ZNF366: variants seen among roughly 807,000 people sequenced by gnomAD.
The protein encoded by ZNF366 is zinc finger protein 366, also known as dendritic cell-specific transcript protein.
A neutral mutation model predicts 47.2 loss-of-function variants in ZNF366; 20 were observed. That is an observed-to-expected ratio of 0.42 (90% confidence interval 0.30 to 0.62). The LOEUF is 0.62. Among genes scored for constraint, ZNF366 ranks in the 20% least tolerant of loss-of-function variants. The pLI, the probability that ZNF366 is intolerant of heterozygous loss-of-function variation, is 0.16. For synonymous variants in ZNF366, 421 were observed against 395.1 expected (o/e 1.07, Z -0.78); for missense variants, 987 against 976.3 (o/e 1.01, Z -0.15).
chr5:72,507,251 CA>C lies in ZNF366; in HGVS notation c.-16del, dbSNP rs1580259215. The C allele has an allele frequency of 3.9e-5, 38 of 985,352 alleles. No homozygotes were observed. The highest frequency in any genetic ancestry group is 4.6e-5 in the Non-Finnish European group (38 of 830,044). 61.0% of individuals were successfully genotyped at this position (985,352 alleles called of 1,614,324 possible). On this transcript the variant is annotated splice_region_variant and 5_prime_UTR_variant, in exon 1 of 5. Coordinates refer to ENST00000318442, the MANE Select transcript of ZNF366 (RefSeq NM_152625.3). Reference sequence around the variant, plus strand: ...AGAAATGATTGCATGGGTAACTTACCAGCTCCTGAGGTCTGAATGGCTGCAG... The same window carrying C: ...AGAAATGATTGCATGGGTAACTTACCGCTCCTGAGGTCTGAATGGCTGCAG...
chr5:72,471,631 A>G (rs1315672702), intron 1 of ZNF366, among the ~76,000 whole-genome samples: 3 of 152,154 alleles, frequency 2.0e-5, no homozygotes, highest in Non-Finnish European at 4.4e-5. Flanking sequence ...GCCTGGGTGG[A>G]AAGGAAACTT....
chr5:72,473,986 G>C (rs914661805), intron 1 of ZNF366, among the ~76,000 whole-genome samples: 1 of 152,186 alleles, frequency 6.6e-6, no homozygotes, highest in Non-Finnish European at 1.5e-5. Context: ...TGTGAATTTA[G>C]GTTGTATCTC....
At position 72,442,305 on chromosome 5, in the gene ZNF366, C is replaced by G. The variant is rs927334877; in HGVS notation, c.*1451G>C. The G allele has an allele frequency of 6.6e-6, 1 of 152,102 alleles. No homozygotes were observed. The highest frequency in any genetic ancestry group is 1.5e-5 in the Non-Finnish European group (1 of 68,022). The allele number at this position is 152,102 out of a possible 1,614,324, so 9.4% of individuals were successfully genotyped here. A position where few individuals can be genotyped will look rare whatever the true frequency, so the allele number is the denominator to read the frequency against. The stretch of plus-strand genomic sequence containing the variant: ...CAGAAATGGTGAGTTCTATTTTAGT[C>G]CCCTCAATCTTCTCAATCTTGGCTG... On this transcript the variant is annotated 3_prime_UTR_variant, in exon 5 of 5. Transcript: ENST00000318442.
intron 1 of ZNF366, among the ~76,000 whole-genome samples, chr5:72,499,100 G>A (rs561147705): frequency 6.6e-6 from 1 of 152,202 alleles, no homozygotes; most frequent in Non-Finnish European, 1.5e-5. Flanking sequence ...GTTTTGAGCA[G>A]AACTTTGTTA....
chr5:72,445,347 A>C (rs1029813373), intron 4 of ZNF366, among the ~76,000 whole-genome samples: 2 of 131,684 alleles, frequency 1.5e-5, no homozygotes, highest in Non-Finnish European at 3.2e-5. Flanking sequence ...GGGTGCAGCC[A>C]GACCAGGCTT....
At chr5:72,488,577 A>G (rs1211201882) in intron 1 of ZNF366, among the ~76,000 whole-genome samples, 2 of 152,354 alleles carry the variant, frequency 1.3e-5, no homozygotes, top group East Asian at 1.9e-4. Flanking sequence ...GCTTCTTTTC[A>G]TATGATTTCA....
In ZNF366 at chr5:72,443,510, C is replaced by G; in HGVS notation, c.*246G>C. The G allele has an allele frequency of 2.3e-6, 1 of 426,534 alleles. No individual in the cohort carries two copies. Among genetic ancestry groups the G allele is most frequent in the Non-Finnish European group, 4.1e-6 (1 of 241,348 alleles). The allele number at this position is 426,534 out of a possible 1,614,324, so 26.4% of individuals were successfully genotyped here. A position where few individuals can be genotyped will look rare whatever the true frequency, so the allele number is the denominator to read the frequency against. ...AATTAGATATCTGGAAGAATACTCA[C>G]AGTTTATTATACTGGCAATGCATAA... On this transcript the variant is annotated 3_prime_UTR_variant, in exon 5 of 5. Transcript: ENST00000318442.
At chr5:72,488,190 G>A (rs1384470893) in intron 1 of ZNF366, among the ~76,000 whole-genome samples, 2 of 150,294 alleles carry the variant, frequency 1.3e-5, no homozygotes, top group Admixed American at 1.3e-4. Context: ...CCTGGGTAAC[G>A]ACAGAGTGAG....
intron 1 of ZNF366, among the ~76,000 whole-genome samples, chr5:72,504,715 T>C (rs1241498212): frequency 2.6e-5 from 4 of 152,246 alleles, no homozygotes; most frequent in Admixed American, 2.0e-4. Flanking sequence ...CTGTTCTCTG[T>C]ATTAACAAAA....
At chr5:72,466,906 A>G (rs1561196252) in intron 1 of ZNF366, among the ~76,000 whole-genome samples, 1 of 152,234 alleles carries the variant, frequency 6.6e-6, no homozygotes, top group African/African-American at 2.4e-5. Flanking sequence ...GGCCTGGTAC[A>G]CTAATGCTGG....
At chr5:72,452,487 A>G (rs1402873068) in intron 3 of ZNF366, among the ~76,000 whole-genome samples, 1 of 152,162 alleles carries the variant, frequency 6.6e-6, no homozygotes, top group Admixed American at 6.5e-5. Flanking sequence ...AACCCCCTCC[A>G]TGCCAGCCTG....
At chr5:72,470,366 A>C (rs1378823485) in intron 1 of ZNF366, among the ~76,000 whole-genome samples, 1 of 152,198 alleles carries the variant, frequency 6.6e-6, no homozygotes, top group Non-Finnish European at 1.5e-5. Context: ...TATTGCTGCA[A>C]GATTCTGCAG....
intron 1 of ZNF366, among the ~76,000 whole-genome samples, chr5:72,465,167 T>A (rs141221460): frequency 2.0e-4 from 31 of 152,264 alleles, no homozygotes. Context: ...CATAAAGACC[T>A]TAAGGATCAT....
chr5:72,473,673 T>C (rs576568960), intron 1 of ZNF366, among the ~76,000 whole-genome samples: 1 of 152,328 alleles, frequency 6.6e-6, no homozygotes, highest in East Asian at 1.9e-4. Context: ...AAACCTTTGC[T>C]CCCTACTCAG....
chr5:72,488,663 G>A (rs1743945079), intron 1 of ZNF366, among the ~76,000 whole-genome samples: 1 of 152,234 alleles, frequency 6.6e-6, no homozygotes, highest in South Asian at 2.1e-4. Flanking sequence ...CAGTGATTTA[G>A]ATTTTGCTTT....
chr5:72,477,076 G>A (rs1006378904), intron 1 of ZNF366, among the ~76,000 whole-genome samples: 3 of 151,988 alleles, frequency 2.0e-5, no homozygotes, highest in Non-Finnish European at 1.5e-5. Context: ...TCCCTTAATG[G>A]CTTTCAATGC....
chr5:72,480,190 A>T (rs1741493870), intron 1 of ZNF366, among the ~76,000 whole-genome samples: 1 of 152,244 alleles, frequency 6.6e-6, no homozygotes, highest in South Asian at 2.1e-4. Context: ...AAATAGCTGG[A>T]TCTAAATTGA....
chr5:72,479,075 C>T (rs1743730083), intron 1 of ZNF366, among the ~76,000 whole-genome samples: 1 of 152,194 alleles, frequency 6.6e-6, no homozygotes, highest in African/African-American at 2.4e-5. Flanking sequence ...AGCCCTTTAT[C>T]CCAGACCTAG....
intron 1 of ZNF366, among the ~76,000 whole-genome samples, chr5:72,480,403 G>A (rs1454112355): frequency 6.6e-6 from 1 of 151,970 alleles, no homozygotes; most frequent in African/African-American, 2.4e-5. Flanking sequence ...GGAACTTTTC[G>A]ACTTTTAGTG....
Sources: gnomAD v4.1 joint callset for allele counts (sites outside exome capture counted in the v4.1 genomes callset) on GRCh38, gnomAD v4.1.1 for gene constraint, MANE v1.5 for transcripts, NCBI Gene and HGNC (gene_info 2026-07-23, HGNC 2026-07-21) for gene names.